The following PRICKLE1 variants were observed in gnomAD, a reference collection of about 807,000 sequenced individuals.
PRICKLE1 encodes prickle planar cell polarity protein 1.
PRICKLE1 carries 14 observed loss-of-function variants against 70.2 expected under a neutral mutation model. The observed-to-expected ratio is 0.20, with a 90% CI of 0.13 to 0.31. PRICKLE1 has a LOEUF of 0.31. Ranked by LOEUF, PRICKLE1 falls within the 10% of genes least tolerant of loss-of-function variation. The pLI, the probability that PRICKLE1 is intolerant of heterozygous loss-of-function variation, is 1.00. For synonymous variants in PRICKLE1, 357 were observed against 379.9 expected (o/e 0.94, Z 0.70); for missense variants, 821 against 1,026.2 (o/e 0.80, Z 2.73).
chr12:42,539,233 C>T (rs1405163444), intron 1 of PRICKLE1, among the ~76,000 whole-genome samples: 1 of 151,924 alleles, frequency 6.6e-6, no homozygotes, highest in African/African-American at 2.4e-5. Flanking sequence ...TTTGGGAGGC[C>T]GAGGCGGGTG....
chr12:42,525,533 G>C (rs1427471771), intron 1 of PRICKLE1, among the ~76,000 whole-genome samples: 1 of 152,140 alleles, frequency 6.6e-6, no homozygotes, highest in African/African-American at 2.4e-5. Context: ...GTTCTCTCCA[G>C]GTAGCAGGAG....
intron 1 of PRICKLE1, among the ~76,000 whole-genome samples, chr12:42,572,913 A>G (rs1940742274): frequency 6.6e-6 from 1 of 152,206 alleles, no homozygotes; most frequent in African/African-American, 2.4e-5. Context: ...TGCAAATACA[A>G]AATCTTACAT....
chr12:42,468,468 A>G (rs1405367232), intron 5 of PRICKLE1, among the ~76,000 whole-genome samples, 158 bp downstream of exon 5: 1 of 152,250 alleles, frequency 6.6e-6, no homozygotes, highest in Non-Finnish European at 1.5e-5. Flanking sequence ...GCAACCAAAT[A>G]TAGATCATTT....
intron 1 of PRICKLE1, among the ~76,000 whole-genome samples, chr12:42,481,572 T>C (rs1219349209): frequency 6.6e-6 from 1 of 152,210 alleles, no homozygotes; most frequent in Non-Finnish European, 1.5e-5. Flanking sequence ...ACAGCTTCTT[T>C]GTTAAACTGC....
intron 1 of PRICKLE1, among the ~76,000 whole-genome samples, chr12:42,568,526 C>A (rs1345401516): frequency 6.6e-6 from 1 of 152,222 alleles, no homozygotes; most frequent in Non-Finnish European, 1.5e-5. Flanking sequence ...AACTGAGCAA[C>A]ATGAGAAAGC....
At chr12:42,528,531 C>G (rs969606193) in intron 1 of PRICKLE1, among the ~76,000 whole-genome samples, 21 of 152,320 alleles carry the variant, frequency 1.4e-4, no homozygotes, top group African/African-American at 4.8e-4. Flanking sequence ...AGGTTTACAT[C>G]TGCCTTTAAA....
At chr12:42,486,512 A>C (rs1426177806) in intron 1 of PRICKLE1, among the ~76,000 whole-genome samples, 1 of 152,220 alleles carries the variant, frequency 6.6e-6, no homozygotes, top group Non-Finnish European at 1.5e-5. Flanking sequence ...AATGGAGGAG[A>C]GGATAATAGA....
intron 1 of PRICKLE1, among the ~76,000 whole-genome samples, chr12:42,522,216 T>C (rs941692066): frequency 6.6e-6 from 1 of 152,092 alleles, no homozygotes; most frequent in Non-Finnish European, 1.5e-5. Flanking sequence ...CCTCAGGTGA[T>C]CCACCCGCCT....
rs1937720793 is a variant in PRICKLE1 at position 42,459,691 on chromosome 12, T to C, written c.*118A>G. On this transcript the variant is annotated 3_prime_UTR_variant, in exon 8 of 8. Transcript: ENST00000345127. ...ACTGTAAACAGCAGTTGAGTTCTCA[T>C]TTACATGGGCAAAGAAAGCACTTTA... 1 of 1,221,094 alleles carries C rather than the reference T, an allele frequency of 8.2e-7. No individual in the cohort carries two copies. The highest frequency in any genetic ancestry group is 1.5e-5 in the African/African-American group (1 of 66,708). The allele number at this position is 1,221,094 out of a possible 1,614,324, so 75.6% of individuals were successfully genotyped here. A position where few individuals can be genotyped will look rare whatever the true frequency, so the allele number is the denominator to read the frequency against.
chr12:42,544,436 C>T (rs1236026443), intron 1 of PRICKLE1, among the ~76,000 whole-genome samples: 1 of 152,184 alleles, frequency 6.6e-6, no homozygotes, highest in Non-Finnish European at 1.5e-5. Flanking sequence ...TTAAAATCCT[C>T]TGCAACTTTC....
At chr12:42,519,591 C>G (rs1263619036) in intron 1 of PRICKLE1, among the ~76,000 whole-genome samples, 1 of 152,212 alleles carries the variant, frequency 6.6e-6, no homozygotes, top group Non-Finnish European at 1.5e-5. Context: ...CCGACCCCTT[C>G]TCTGATCTTG....
chr12:42,568,789 G>A (rs1940662923), intron 1 of PRICKLE1, among the ~76,000 whole-genome samples: 1 of 152,110 alleles, frequency 6.6e-6, no homozygotes, highest in South Asian at 2.1e-4. Flanking sequence ...GCCATCACCT[G>A]AACAGTGAAC....
At chr12:42,468,925 A>T in intron 4 of PRICKLE1, 96 bp from the exon 5 acceptor site, 1 of 1,279,672 alleles carries the variant, frequency 7.8e-7, no homozygotes, top group Non-Finnish European at 1.1e-6. Context: ...TTTGTCAGGA[A>T]TGTATTTATT....
chr12:42,535,786 T>C (rs1451348303), intron 1 of PRICKLE1, among the ~76,000 whole-genome samples: 4 of 152,090 alleles, frequency 2.6e-5, no homozygotes, highest in African/African-American at 9.7e-5. Context: ...CCTGTCTATT[T>C]AACAAGAAAG....
intron 5 of PRICKLE1, among the ~76,000 whole-genome samples, chr12:42,468,339 C>A (rs1938182121): frequency 6.6e-6 from 1 of 152,186 alleles, no homozygotes; most frequent in African/African-American, 2.4e-5. Flanking sequence ...TTTCTCACAA[C>A]CCACTGAAGA....
At chr12:42,528,977 G>T (rs975517790) in intron 1 of PRICKLE1, among the ~76,000 whole-genome samples, 7 of 152,096 alleles carry the variant, frequency 4.6e-5, no homozygotes, top group African/African-American at 1.4e-4. Flanking sequence ...AGCCACCACC[G>T]GCTAAGGGAA....
rs377567620 is a variant in PRICKLE1 at position 42,472,549 on chromosome 12, C to T, written c.-33G>A. 110 of 1,613,798 alleles carry T rather than the reference C, an allele frequency of 6.8e-5. No homozygotes were observed. The highest frequency in any genetic ancestry group is 9.2e-5 in the Non-Finnish European group (108 of 1,179,882). ...AAAGCCTGGTTTCTCAGTCACAGGA[C>T]ATCAAACAATGGCTGCTGTGAACAA... On this transcript the variant is annotated 5_prime_UTR_variant, in exon 2 of 8. It removes an upstream start codon present in the reference 5' UTR. Coordinates refer to ENST00000345127, the MANE Select transcript of PRICKLE1 (RefSeq NM_153026.3).
intron 1 of PRICKLE1, chr12:42,489,593 G>T (rs963818606): frequency 7.3e-6 from 1 of 137,372 alleles, no homozygotes; most frequent in African/African-American, 2.7e-5. Context: ...CCAGGAAGCA[G>T]AGGCTGCAGT....
chr12:42,572,992 G>A (rs1444652395), intron 1 of PRICKLE1, among the ~76,000 whole-genome samples: 1 of 151,038 alleles, frequency 6.6e-6, no homozygotes, highest in Non-Finnish European at 1.5e-5. Flanking sequence ...TCCAGGCTAC[G>A]GTCCTCAGTT....
Sources: gnomAD v4.1 joint callset for allele counts (sites outside exome capture counted in the v4.1 genomes callset) on GRCh38, gnomAD v4.1.1 for gene constraint, MANE v1.5 for transcripts, NCBI Gene and HGNC (gene_info 2026-07-23, HGNC 2026-07-21) for gene names.